The following WDFY3 variants were observed in gnomAD, a reference collection of about 807,000 sequenced individuals.
WDFY3 encodes WD repeat and FYVE domain containing 3, also known as WD repeat and FYVE domain-containing protein 3.
Under a neutral mutation model 409.6 loss-of-function variants are expected in WDFY3, and 66 were observed. The observed-to-expected ratio is 0.16, with a 90% CI of 0.13 to 0.20. The LOEUF (loss-of-function observed/expected upper bound fraction) is 0.20. WDFY3 is among the 10% of genes least tolerant of loss of function. The probability of loss-of-function intolerance (pLI) is 1.00; values close to 1 mark genes in which losing one functional copy is unlikely to be tolerated. For synonymous variants in WDFY3, 1,521 were observed against 1,537.1 expected, an observed-to-expected ratio of 0.99 and a Z score of 0.25; for missense variants, 3,031 against 4,298.1, an observed-to-expected ratio of 0.71 and a Z score of 8.24.
intron 5 of WDFY3, among the ~76,000 whole-genome samples, chr4:84,847,982 C>A (rs1256326413): frequency 6.7e-6 from 1 of 150,340 alleles, no homozygotes; most frequent in Non-Finnish European, 1.5e-5. Context: ...GAGGAGTTCT[C>A]TTAGCAAGTA....
intron 16 of WDFY3, among the ~76,000 whole-genome samples, chr4:84,803,031 G>A (rs544545142): frequency 3.1e-4 from 47 of 152,270 alleles, no homozygotes; most frequent in Non-Finnish European, 3.2e-4. Context: ...GGATTTATAA[G>A]GAGAAACAGA....
chr4:84,759,248 G>C (rs1289707901), intron 32 of WDFY3, among the ~76,000 whole-genome samples: 2 of 152,170 alleles, frequency 1.3e-5, no homozygotes, highest in African/African-American at 4.8e-5. Flanking sequence ...GATGCCTCCA[G>C]CTTTGTTCTT....
chr4:84,861,477 T>C lies in WDFY3; in HGVS notation c.-31-855A>G, dbSNP rs147816280. ...TAGATTAAAATATGCAAATTGAATA[T>C]AATACTATCCTACTTTATCCTATAA... On this transcript the variant is annotated intron_variant, in intron 3 of 67. Transcript: ENST00000295888. 6.2e-3 allele frequency among the ~76,000 whole-genome samples: 947 copies of C among 152,232 alleles called. 8 individuals are homozygous for C. The highest frequency in any genetic ancestry group is 0.021 in the African/African-American group (890 of 41,526).
intron 2 of WDFY3, among the ~76,000 whole-genome samples, chr4:84,910,703 G>A (rs1227546645): frequency 1.3e-5 from 2 of 151,950 alleles, no homozygotes; most frequent in Non-Finnish European, 2.9e-5. Flanking sequence ...ACTCCTCAAT[G>A]TTTTTTGTTG....
At chr4:84,933,447 G>A (rs1454747764) in intron 1 of WDFY3, among the ~76,000 whole-genome samples, 1 of 151,890 alleles carries the variant, frequency 6.6e-6, no homozygotes, top group Non-Finnish European at 1.5e-5. Flanking sequence ...TAGGGTACAT[G>A]AGATGTTTTA....
chr4:84,693,154 T>A, intron 58 of WDFY3, 122 bp from the exon 59 acceptor site: 1 of 1,051,054 alleles, frequency 9.5e-7, no homozygotes, highest in Non-Finnish European at 1.4e-6. Context: ...TACTATATTA[T>A]CCTCATTTTA....
At position 84,888,604 on chromosome 4, in the gene WDFY3, A is replaced by G. The variant is rs145386779; in HGVS notation, c.-32+8307T>C. Among the ~76,000 whole-genome samples the G allele has an allele frequency of 3.7e-4, 56 of 152,334 alleles. 1 individual carries two copies. In the Middle Eastern group the frequency reaches 0.017, roughly 46 times the overall value. On this transcript the variant is annotated intron_variant, in intron 3 of 67. Coordinates refer to ENST00000295888, the MANE Select transcript of WDFY3 (RefSeq NM_014991.6). ...AAAGTTTTTTTCTTGCATATCCACT[A>G]AAATGTAAATGCAAAATATTTCTGC...
At chr4:84,744,852 CAAAAAAAAAA>C (rs1165273561) in intron 36 of WDFY3, among the ~76,000 whole-genome samples, 68 of 15,742 alleles carry the variant, frequency 4.3e-3, no homozygotes, top group Non-Finnish European at 7.5e-3. Flanking sequence ...GACTCCGTCT[CAAAAAAAAAA>C]AAAAAAAAAA....
Position 84,716,930 on chromosome 4 carries a change from A to G in WDFY3, c.7841T>C (p.Ile2614Thr). 1 of 1,605,574 alleles carries G rather than the reference A, an allele frequency of 6.2e-7. No homozygotes were observed. The change falls in exon 49 of 68, where the codon ATC (isoleucine) becomes ACC (threonine). Residue 2614 changes from isoleucine (I) to threonine (T), a missense_variant. Ile to Thr is a moderately conservative substitution (Grantham distance 89). Coordinates refer to ENST00000295888, the MANE Select transcript of WDFY3 (RefSeq NM_014991.6). ...RTCSIFAYED[I>T]KEVHKRRYLL... The stretch of plus-strand genomic sequence containing the variant: ...ATATCTCCTTTTATGAACTTCCTTG[A>G]TATCTTCATATGCAAAAATGCTGCA...
Position 84,784,883 on chromosome 4 carries a change from TATATATATACACACAC to T in WDFY3, c.4062+1080_4062+1095del, listed in dbSNP as rs1233808893. Among the ~76,000 whole-genome samples the T allele has an allele frequency of 3.3e-5, 3 of 90,576 alleles. No homozygotes were observed. In the East Asian group the frequency reaches 1.0e-3, roughly 31 times the overall value. The allele number at this position is 90,576 out of a possible 152,430, so 59.4% of individuals were successfully genotyped here. A position where few individuals can be genotyped will look rare whatever the true frequency, so the allele number is the denominator to read the frequency against. ...GTATATATATATATATATATATATA[TATATATATACACACAC>T]ACACACACACACACACACACATACA... On this transcript the variant is annotated intron_variant, in intron 24 of 67. Transcript: ENST00000295888.
intron 1 of WDFY3, among the ~76,000 whole-genome samples, chr4:84,937,599 C>T (rs921658138): frequency 2.6e-5 from 4 of 152,110 alleles, no homozygotes; most frequent in Non-Finnish European, 4.4e-5. Context: ...CCTTTCTCAT[C>T]GAAGTAGCCA....
intron 2 of WDFY3, among the ~76,000 whole-genome samples, chr4:84,904,708 C>T (rs1024345523): frequency 1.3e-5 from 2 of 152,170 alleles, no homozygotes; most frequent in Non-Finnish European, 1.5e-5. Flanking sequence ...GTTTCTAGGG[C>T]TGTTCTCTCC....
intron 32 of WDFY3, among the ~76,000 whole-genome samples, chr4:84,764,961 T>C (rs563453350): frequency 6.6e-6 from 1 of 152,344 alleles, no homozygotes; most frequent in South Asian, 2.1e-4. Context: ...TAAACTTTTT[T>C]TCTATAAATG....
chr4:84,965,003 A>T (rs776974576), intron 1 of WDFY3, among the ~76,000 whole-genome samples: 1 of 152,234 alleles, frequency 6.6e-6, no homozygotes, highest in Non-Finnish European at 1.5e-5. Context: ...ACATAAAAAC[A>T]TACCAACCTA....
intron 67 of WDFY3, 143 bp from the exon 68 acceptor site, chr4:84,673,134 A>G: frequency 9.6e-7 from 1 of 1,045,916 alleles, no homozygotes; most frequent in Non-Finnish European, 1.4e-6. Flanking sequence ...AACAAGGACT[A>G]AAAGGAAAGC....
At chr4:84,723,878 T>A (rs1278681895) in intron 46 of WDFY3, among the ~76,000 whole-genome samples, 1 of 152,172 alleles carries the variant, frequency 6.6e-6, no homozygotes, top group African/African-American at 2.4e-5. Context: ...GCACCACATG[T>A]AAAAGTACAG....
intron 5 of WDFY3, among the ~76,000 whole-genome samples, chr4:84,848,686 G>A (rs1161544643): frequency 2.0e-5 from 3 of 152,190 alleles, no homozygotes; most frequent in African/African-American, 7.2e-5. Flanking sequence ...GATTACTCTT[G>A]AGCTTGTCCT....
At chr4:84,954,103 T>C (rs1773951352) in intron 1 of WDFY3, among the ~76,000 whole-genome samples, 1 of 152,152 alleles carries the variant, frequency 6.6e-6, no homozygotes, top group African/African-American at 2.4e-5. Flanking sequence ...CAATAAAATA[T>C]GTTATCATCT....
chr4:84,677,131 T>C, intron 67 of WDFY3, 68 bp downstream of exon 67: 2 of 1,578,368 alleles, frequency 1.3e-6, no homozygotes, highest in Middle Eastern at 3.4e-4. Context: ...AGAACCTGTG[T>C]GCAGGACATA....
Sources: gnomAD v4.1 joint callset for allele counts (sites outside exome capture counted in the v4.1 genomes callset) on GRCh38, gnomAD v4.1.1 for gene constraint, MANE v1.5 for transcripts, NCBI Gene and HGNC (gene_info 2026-07-23, HGNC 2026-07-21) for gene names.